Variants in CAPN14 observed in about 807,000 individuals in gnomAD.
CAPN14 encodes the protein calpain 14.
CAPN14 carries 94 observed loss-of-function variants against 101.3 expected under a neutral mutation model. The observed-to-expected ratio is 0.93, with a 90% confidence interval of 0.79 to 1.10. CAPN14 has a LOEUF of 1.10. Among genes scored for constraint, CAPN14 ranks in the 50% least tolerant of loss-of-function variants. The probability of loss-of-function intolerance (pLI) is 0.00; values close to 1 mark genes in which losing one functional copy is unlikely to be tolerated. For missense variants in CAPN14, 837 were observed against 828.4 expected, an observed-to-expected ratio of 1.01 and a Z score of -0.13; for synonymous variants, 338 against 317.9, an observed-to-expected ratio of 1.06 and a Z score of -0.67.
intron 1 of CAPN14, among the ~76,000 whole-genome samples, chr2:31,214,878 G>C (rs1270229401): frequency 2.6e-5 from 4 of 152,202 alleles, no homozygotes; most frequent in African/African-American, 9.7e-5. Context: ...AAGGAACTTA[G>C]TGGTCATCCA....
chr2:31,194,660 C>T (rs1220659838), intron 8 of CAPN14, among the ~76,000 whole-genome samples, 177 bp from the exon 9 acceptor site: 1 of 152,168 alleles, frequency 6.6e-6, no homozygotes, highest in Admixed American at 6.5e-5. Flanking sequence ...GAGCCAAGCA[C>T]TGGGCTAGAT....
intron 9 of CAPN14, 96 bp from the exon 10 acceptor site, chr2:31,193,390 C>G: frequency 8.1e-7 from 1 of 1,227,594 alleles, no homozygotes; most frequent in Non-Finnish European, 1.1e-6. Context: ...GTGGGCATCC[C>G]AGCCCTCTCA....
Position 31,180,977 on chromosome 2 carries a change from A to G in CAPN14, c.1669T>C (p.Phe557Leu), listed in dbSNP as rs1680564161. 1 of 1,551,688 alleles carries G rather than the reference A, an allele frequency of 6.4e-7. No homozygotes were observed. The highest frequency in any genetic ancestry group is 8.7e-7 in the Non-Finnish European group (1 of 1,146,990). ...ATCCCCTGGCAGGCTTCCAGGCTAAAGAAGGGCTGTCTGCTCCCCAGACCT... is the reference window on the plus strand; with the variant it reads ...ATCCCCTGGCAGGCTTCCAGGCTAAGGAAGGGCTGTCTGCTCCCCAGACCT... ...WSSLGSRQPF[F>L]SLEACQGILA... is the part of the protein sequence containing the mutation. The change falls in exon 17 of 22, where the codon TTT becomes CTT. Residue 557 changes from phenylalanine (F) to leucine (L), a missense_variant. Coordinates refer to ENST00000403897, the MANE Select transcript of CAPN14 (RefSeq NM_001145122.2).
At chr2:31,216,951 C>T (rs1402891178) in intron 1 of CAPN14, among the ~76,000 whole-genome samples, 1 of 152,198 alleles carries the variant, frequency 6.6e-6, no homozygotes, top group African/African-American at 2.4e-5. Flanking sequence ...TACAGGAAGT[C>T]AGCCCAGCCT....
Position 31,191,927 on chromosome 2 carries a change from C to T in CAPN14, c.1278+8G>A. On this transcript the variant is annotated splice_region_variant and intron_variant, in intron 11 of 21. Coordinates refer to ENST00000403897, the MANE Select transcript of CAPN14 (RefSeq NM_001145122.2). ...TCCCATGCCCCTGTGGTTCAGAGGTCCACCTACCCTATACAGGTAGAAGCC... is the reference window on the plus strand; with the variant it reads ...TCCCATGCCCCTGTGGTTCAGAGGTTCACCTACCCTATACAGGTAGAAGCC... 5.2e-6 allele frequency: 8 copies of T among 1,541,290 alleles called. No individual in the cohort carries two copies. The highest frequency in any genetic ancestry group is 7.0e-6 in the Non-Finnish European group (8 of 1,140,982).
At chr2:31,192,599 A>G (rs1467282926) in intron 10 of CAPN14, among the ~76,000 whole-genome samples, 3 of 152,054 alleles carry the variant, frequency 2.0e-5, no homozygotes, top group Admixed American at 1.3e-4. Context: ...CTATCTCCAC[A>G]GTGGAGGAAG....
At chr2:31,189,700 C>T (rs202008008) in intron 12 of CAPN14, 12 of 648,820 alleles carry the variant, frequency 1.8e-5, no homozygotes, top group East Asian at 9.3e-5. Context: ...TACATAAACA[C>T]GTGTCATTTG....
intron 2 of CAPN14, among the ~76,000 whole-genome samples, chr2:31,226,061 T>C (rs1251673468): frequency 6.6e-6 from 1 of 152,338 alleles, no homozygotes; most frequent in East Asian, 1.9e-4. Flanking sequence ...GGAAACAAAA[T>C]AGATAACTCT....
chr2:31,228,955 G>A (rs1196176229), intron 1 of CAPN14, among the ~76,000 whole-genome samples: 3 of 152,222 alleles, frequency 2.0e-5, no homozygotes, highest in African/African-American at 7.2e-5. Flanking sequence ...GTTTGGAAGA[G>A]ACACCTGGTG....
rs571383479 is a variant in CAPN14, at chr2:31,210,444, T to C, written c.-52-4945A>G. 5.8e-5 allele frequency among the ~76,000 whole-genome samples: 7 copies of C among 121,168 alleles called. No homozygotes were observed. The East Asian group carries it at 1.4e-3, about 24-fold the overall frequency. 79.5% of individuals were successfully genotyped at this position (121,168 alleles called of 152,430 possible). On this transcript the variant is annotated intron_variant, in intron 1 of 21. Coordinates refer to ENST00000403897, the MANE Select transcript of CAPN14 (RefSeq NM_001145122.2). The stretch of plus-strand genomic sequence containing the variant: ...GCCTGGGCGACAGAGCGTGTCTCCA[T>C]CTCAAAAAAATAAAACATAAAATAA...
Position 31,177,057 on chromosome 2 carries a change from G to A in CAPN14, c.1941C>T (p.Ile647=), listed in dbSNP as rs1680335031. The A allele has an allele frequency of 6.4e-7, 1 of 1,551,380 alleles. No individual in the cohort carries two copies. The highest frequency in any genetic ancestry group is 8.7e-7 in the Non-Finnish European group (1 of 1,146,858). The change falls in exon 20 of 22, where the codon ATC becomes ATT. Residue 647 remains isoleucine, a synonymous_variant. Transcript: ENST00000403897. ...PRLQMDFVSF[I]HLMLRVENME... ...TGTTCTCTACACGCAGCATCAAGTGGATGAAACTGACAAAGTCCATCTGGA... is the reference window on the plus strand; with the variant it reads ...TGTTCTCTACACGCAGCATCAAGTGAATGAAACTGACAAAGTCCATCTGGA...
At chr2:31,202,599 C>T (rs1422993409) in intron 3 of CAPN14, among the ~76,000 whole-genome samples, 1 of 152,178 alleles carries the variant, frequency 6.6e-6, no homozygotes, top group Admixed American at 6.5e-5. Flanking sequence ...GGGAAAGCCT[C>T]AATCCTTCAG....
Position 31,175,609 on chromosome 2 carries a change from G to C in CAPN14, c.2029-902C>G, listed in dbSNP as rs1346969274. On this transcript the variant is annotated intron_variant, in intron 21 of 21. Transcript: ENST00000403897. ...CCCCAGTACTCAAGTGTGGGGCTAAGCAGTCCAGGGATAGGCCCTGAAAAT... is the reference window on the plus strand; with the variant it reads ...CCCCAGTACTCAAGTGTGGGGCTAACCAGTCCAGGGATAGGCCCTGAAAAT... Among the ~76,000 whole-genome samples, 3 of 152,232 alleles carry C rather than the reference G, an allele frequency of 2.0e-5. No homozygotes were observed. The East Asian group carries it at 5.8e-4, about 29-fold the overall frequency.
intron 1 of CAPN14, among the ~76,000 whole-genome samples, chr2:31,227,107 T>C (rs1683045336): frequency 6.6e-6 from 1 of 152,196 alleles, no homozygotes; most frequent in African/African-American, 2.4e-5. Flanking sequence ...ATAGCTCACA[T>C]CTTGCAGGTA....
intron 1 of CAPN14, among the ~76,000 whole-genome samples, chr2:31,210,370 C>G (rs1294958512): frequency 1.3e-5 from 2 of 152,102 alleles, no homozygotes; most frequent in East Asian, 3.8e-4. Context: ...ATGGTGTGAA[C>G]CCGGGAGGCG....
rs142485557 is a variant in CAPN14, at chr2:31,197,294, C to T, written c.830G>A (p.Arg277Gln). Residue 277 changes from arginine (R) to glutamine (Q), a missense_variant, in exon 8 of 22, where the codon CGG (arginine) becomes CAG (glutamine). Transcript: ENST00000403897. ...CCATTCCACCTTTCCCCAGGGGTTC[C>T]GTAGCTTGACGAGATATTCAGGTCT... Reference protein sequence around the residue: ...KHRPEYLVKLRNPWGKVEWKG... With the variant: ...KHRPEYLVKLQNPWGKVEWKG... 420 of 1,551,182 alleles carry T rather than the reference C, an allele frequency of 2.7e-4. 1 individual carries two copies. The East Asian group carries it at 3.8e-3, about 14-fold the overall frequency.
chr2:31,178,430 A>G, intron 18 of CAPN14, 81 bp downstream of exon 18: 1 of 1,080,076 alleles, frequency 9.3e-7, no homozygotes, highest in Non-Finnish European at 1.4e-6. Context: ...GCTGAAGGGG[A>G]CAGAAGTATC....
rs1271544233 is a variant in CAPN14 at position 31,201,993 on chromosome 2, C to T, written c.420G>A (p.Trp140Ter). 2 of 1,551,538 alleles carry T rather than the reference C, an allele frequency of 1.3e-6. No homozygotes were observed. Among genetic ancestry groups the T allele is most frequent in the East Asian group, 2.4e-5 (1 of 40,912 alleles). Residue 140 changes from tryptophan to a stop codon, truncating the protein, a stop_gained, in exon 5 of 22, where the codon TGG becomes TGA. Transcript: ENST00000403897. LOFTEE classifies it high-confidence loss of function. ...CCACAGGAACCCAGTTCCCATAGTG[C>T]CAGAACTGGAGGGAGAGAGTGGCCC... ...KYAGIFRFWF[W>*]HYGNWVPVVI...
intron 2 of CAPN14, among the ~76,000 whole-genome samples, chr2:31,223,682 C>A (rs187307099): frequency 1.3e-5 from 2 of 151,984 alleles, no homozygotes; most frequent in East Asian, 3.9e-4. Context: ...ACGCCCACCA[C>A]GACGCGTGGC....
Sources: allele counts gnomAD v4.1 joint callset (sites outside exome capture counted in the v4.1 genomes callset), GRCh38; gene constraint gnomAD v4.1.1; transcripts MANE v1.5; gene names NCBI Gene and HGNC (gene_info 2026-07-23, HGNC 2026-07-21).